The following CDH23 variants were observed in gnomAD, a reference collection of about 807,000 sequenced individuals.
The protein encoded by CDH23 is cadherin related 23, also known as cadherin-23.
CDH23 carries 189 observed loss-of-function variants against 317.1 expected under a neutral mutation model. The observed-to-expected ratio is 0.60, with a 90% CI of 0.53 to 0.67. CDH23 has a LOEUF of 0.67. CDH23 is among the 30% of genes least tolerant of loss of function. The pLI, the probability that CDH23 is intolerant of heterozygous loss-of-function variation, is 0.00. For synonymous variants in CDH23, 1,839 were observed against 1,876.8 expected (o/e 0.98, Z 0.52); for missense variants, 4,401 against 4,592.4 (o/e 0.96, Z 1.20).
intron 6 of CDH23, among the ~76,000 whole-genome samples, chr10:71,559,803 C>T (rs1857037826): frequency 6.6e-6 from 1 of 152,222 alleles, no homozygotes; most frequent in Non-Finnish European, 1.5e-5. Flanking sequence ...TACATTTCAC[C>T]CAAGAGAGCA....
chr10:71,737,689 C>T lies in CDH23; in HGVS notation c.4210-809C>T, dbSNP rs1035069474. The T allele has an allele frequency of 1.3e-5, 6 of 470,006 alleles. No individual in the cohort carries two copies. The Admixed American group carries it at 1.4e-4, about 11-fold the overall frequency. The allele number at this position is 470,006 out of a possible 1,614,324, so 29.1% of individuals were successfully genotyped here. A position where few individuals can be genotyped will look rare whatever the true frequency, so the allele number is the denominator to read the frequency against. ...GGGATACCTAAAACCTGAGCTCCTC[C>T]AACCCCCCTCACACCCTCATCAGTG... On this transcript the variant is annotated intron_variant, in intron 34 of 69. Transcript: ENST00000224721.
chr10:71,796,102 G>C lies in CDH23; in HGVS notation c.6713-1002G>C, dbSNP rs1237930074. 4 of 986,254 alleles carry C rather than the reference G, an allele frequency of 4.1e-6. No individual in the cohort carries two copies. The South Asian group carries it at 1.4e-4, about 35-fold the overall frequency. 61.1% of individuals were successfully genotyped at this position (986,254 alleles called of 1,614,324 possible). On this transcript the variant is annotated intron_variant, in intron 48 of 69. Transcript: ENST00000224721. ...AGGGTAAGTGACTACCCCATGGCTG[G>C]GGACCCACGGAAGACAGAAGCCCAG... is the stretch of plus-strand genomic sequence containing the variant.
chr10:71,758,069 C>T (rs574127053), intron 38 of CDH23, among the ~76,000 whole-genome samples: 1 of 152,294 alleles, frequency 6.6e-6, no homozygotes, highest in Admixed American at 6.5e-5. Context: ...CATAGTGGCT[C>T]AATCCTGTAA....
chr10:71,800,444 C>G (rs191028916), intron 52 of CDH23, among the ~76,000 whole-genome samples, 192 bp from the exon 53 acceptor site: 1 of 152,256 alleles, frequency 6.6e-6, no homozygotes, highest in East Asian at 1.9e-4. Context: ...GCTGGTCACC[C>G]CATCCCCAGG....
At chr10:71,537,008 G>A (rs1323210365) in intron 6 of CDH23, among the ~76,000 whole-genome samples, 1 of 152,130 alleles carries the variant, frequency 6.6e-6, no homozygotes, top group Non-Finnish European at 1.5e-5. Flanking sequence ...TGCTCTGAAA[G>A]GCTCCATATT....
chr10:71,796,698 TA>T (rs1160895240), intron 48 of CDH23, among the ~76,000 whole-genome samples: 1 of 152,254 alleles, frequency 6.6e-6, no homozygotes, highest in East Asian at 1.9e-4. Context: ...CAGCAGTTTT[TA>T]AACAAGCAGT....
intron 3 of CDH23, among the ~76,000 whole-genome samples, chr10:71,499,556 C>T (rs943659425): frequency 6.8e-6 from 1 of 147,942 alleles, no homozygotes; most frequent in Non-Finnish European, 1.5e-5. Context: ...GAGTGAAATT[C>T]CAGCCAGGTG....
intron 25 of CDH23, among the ~76,000 whole-genome samples, chr10:71,705,988 C>A (rs1319288776): frequency 6.6e-6 from 1 of 152,102 alleles, no homozygotes; most frequent in Admixed American, 6.5e-5. Context: ...CCCATTGGTC[C>A]GAAGCTTGCC....
chr10:71,722,116 C>T (rs1160138065), intron 28 of CDH23, among the ~76,000 whole-genome samples: 1 of 152,116 alleles, frequency 6.6e-6, no homozygotes, highest in East Asian at 1.9e-4. Context: ...ATTAGGGCTT[C>T]GGGTGGCAAG....
intron 3 of CDH23, among the ~76,000 whole-genome samples, chr10:71,499,300 A>G (rs144308438): frequency 0.017 from 2,601 of 152,256 alleles, 60 homozygotes; most frequent in African/African-American, 0.054. Flanking sequence ...GTTAGCTCAC[A>G]CCTATAATCC....
At chr10:71,773,373 G>A (rs1158474560) in intron 38 of CDH23, 2 of 1,609,722 alleles carry the variant, frequency 1.2e-6, no homozygotes, top group Non-Finnish European at 1.7e-6. Context: ...GACGCAGCCA[G>A]GAAGAGAGCG....
chr10:71,537,603 T>C (rs1324870048), intron 6 of CDH23, among the ~76,000 whole-genome samples: 5 of 152,136 alleles, frequency 3.3e-5, no homozygotes, highest in Admixed American at 1.3e-4. Context: ...AGGAGCCCAG[T>C]GATGAAGGAA....
intron 20 of CDH23, among the ~76,000 whole-genome samples, chr10:71,691,753 C>A (rs1322466833): frequency 1.3e-5 from 2 of 152,222 alleles, no homozygotes; most frequent in African/African-American, 4.8e-5. Context: ...GAGCAGGAAT[C>A]TTTGGTGGAC....
At chr10:71,758,543 G>A (rs1228676992) in intron 38 of CDH23, among the ~76,000 whole-genome samples, 1 of 152,196 alleles carries the variant, frequency 6.6e-6, no homozygotes, top group Non-Finnish European at 1.5e-5. Context: ...GCACCGGGGG[G>A]CTAACTGCTA....
chr10:71,473,108 C>T (rs1452351901), intron 3 of CDH23, among the ~76,000 whole-genome samples: 3 of 152,292 alleles, frequency 2.0e-5, no homozygotes, highest in African/African-American at 7.2e-5. Context: ...AGCCAGGCCC[C>T]AGAGCTGGTC....
intron 24 of CDH23, among the ~76,000 whole-genome samples, chr10:71,704,058 G>C (rs372100521): frequency 2.0e-5 from 3 of 152,282 alleles, no homozygotes; most frequent in African/African-American, 7.2e-5. Context: ...CGTTCTCCAG[G>C]GGGTAGAGCT....
chr10:71,676,196 T>A (rs1050955047), intron 15 of CDH23, among the ~76,000 whole-genome samples: 3 of 151,072 alleles, frequency 2.0e-5, no homozygotes, highest in African/African-American at 7.3e-5. Context: ...CATGAGCCAC[T>A]GCACCCGGCC....
intron 8 of CDH23, among the ~76,000 whole-genome samples, chr10:71,575,458 G>T (rs1190048525): frequency 6.6e-6 from 1 of 152,226 alleles, no homozygotes; most frequent in Non-Finnish European, 1.5e-5. Flanking sequence ...TTACTCAAAG[G>T]ATTCGAGCGC....
At chr10:71,470,017 T>TA (rs145711849) in intron 3 of CDH23, among the ~76,000 whole-genome samples, 14,334 of 152,122 alleles carry the variant, frequency 0.094, 908 homozygotes, top group Non-Finnish European at 0.15. Flanking sequence ...TTTTTAAAAA[T>TA]AAAAAAAAAT....
Sources: gnomAD v4.1 joint callset for allele counts (sites outside exome capture counted in the v4.1 genomes callset) on GRCh38, gnomAD v4.1.1 for gene constraint, MANE v1.5 for transcripts, NCBI Gene and HGNC (gene_info 2026-07-23, HGNC 2026-07-21) for gene names.